ARID4B: variants seen among roughly 807,000 people sequenced by gnomAD.
ARID4B encodes the protein AT-rich interactive domain-containing protein 4B.
ARID4B carries 26 observed loss-of-function variants against 147.5 expected under a neutral mutation model. The ratio of observed to expected loss-of-function variants is 0.18; its 90% confidence interval spans 0.13 to 0.24. ARID4B has a LOEUF of 0.24. Among genes scored for constraint, ARID4B ranks in the 10% least tolerant of loss-of-function variants. ARID4B has a pLI of 1.00. For missense variants in ARID4B, 1,179 were observed against 1,511.5 expected (o/e 0.78, Z 3.65); for synonymous variants, 512 against 507.9 (o/e 1.01, Z -0.11).
chr1:235,204,489 T>G (rs964695090), intron 17 of ARID4B, among the ~76,000 whole-genome samples: 9 of 152,150 alleles, frequency 5.9e-5, no homozygotes, highest in Non-Finnish European at 1.3e-4. Context: ...TAGTCATATT[T>G]AAGAGTTGAC....
chr1:235,207,199 TGAG>T lies in ARID4B; in HGVS notation c.1841+6567_1841+6569del, dbSNP rs370363780. On this transcript the variant is annotated intron_variant, in intron 17 of 23. Coordinates refer to ENST00000264183, the MANE Select transcript of ARID4B (RefSeq NM_016374.6). ...ACAAAGCAAGGTCACCAGCTGAAAATGAGGATAGGGAAGAGATGTTGGGGATGT... is the reference window on the plus strand; with the variant it reads ...ACAAAGCAAGGTCACCAGCTGAAAATGATAGGGAAGAGATGTTGGGGATGT... Among the ~76,000 whole-genome samples the T allele has an allele frequency of 2.6e-5, 4 of 152,206 alleles. No individual in the cohort carries two copies. In the East Asian group the frequency reaches 7.7e-4, roughly 29 times the overall value.
intron 2 of ARID4B, among the ~76,000 whole-genome samples, chr1:235,279,474 A>T (rs965127512): frequency 5.3e-5 from 8 of 152,226 alleles, no homozygotes; most frequent in Admixed American, 4.6e-4. Flanking sequence ...AAGGCAGACC[A>T]ATTTAAAATA....
chr1:235,181,981 G>A lies in ARID4B; in HGVS notation c.2938C>T (p.Pro980Ser), dbSNP rs1160458060. The A allele has an allele frequency of 1.2e-6, 2 of 1,614,024 alleles. No individual in the cohort carries two copies. Among genetic ancestry groups the A allele is most frequent in the Admixed American group, 1.7e-5 (1 of 60,002 alleles). Residue 980 changes from proline (P) to serine (S), a missense_variant, in exon 20 of 24, where the codon CCC (proline) becomes TCC (serine). Physicochemically the swap from Pro to Ser is moderately conservative, Grantham distance 74. This residue lies in a region of ARID4B where 357 missense variants were observed against 427.3 expected (regional missense o/e 0.84). Transcript: ENST00000264183. The part of the protein sequence containing the change: ...QTVAEEESCS[P>S]SVELEKPPPV... ...GGTGGTTTTTCTAGTTCTACACTGGGTGAACAACTCTCCTCTTCAGCCACA... is the reference window on the plus strand; with the variant it reads ...GGTGGTTTTTCTAGTTCTACACTGGATGAACAACTCTCCTCTTCAGCCACA...
At chr1:235,315,558 G>C (rs1372636692) in intron 2 of ARID4B, among the ~76,000 whole-genome samples, 1 of 152,164 alleles carries the variant, frequency 6.6e-6, no homozygotes, top group Non-Finnish European at 1.5e-5. Flanking sequence ...TAACTTAAAA[G>C]TGATATACCC....
At chr1:235,184,771 G>T (rs146394278) in intron 19 of ARID4B, among the ~76,000 whole-genome samples, 210 of 152,222 alleles carry the variant, frequency 1.4e-3, no homozygotes, top group African/African-American at 4.6e-3. Context: ...GTTAACATCT[G>T]ATAGTTATAG....
chr1:235,178,880 A>T (rs1315450914), intron 20 of ARID4B, among the ~76,000 whole-genome samples: 1 of 152,038 alleles, frequency 6.6e-6, no homozygotes, highest in Non-Finnish European at 1.5e-5. Flanking sequence ...ATATAATCTT[A>T]CTTACAACTT....
intron 2 of ARID4B, among the ~76,000 whole-genome samples, chr1:235,308,800 G>A (rs1470689952): frequency 6.6e-6 from 1 of 152,306 alleles, no homozygotes; most frequent in Non-Finnish European, 1.5e-5. Context: ...AGGCTGGAGT[G>A]CAGTGGCGTG....
intron 8 of ARID4B, among the ~76,000 whole-genome samples, chr1:235,238,153 A>AAAAAAAAGAAAAGAAAAG (rs61179792): frequency 7.1e-6 from 1 of 141,764 alleles, no homozygotes; most frequent in Non-Finnish European, 1.5e-5. Context: ...CAAAAAAAAA[A>AAAAAAAAGAAAAGAAAAG]AAAAGAAAAG....
intron 14 of ARID4B, among the ~76,000 whole-genome samples, chr1:235,221,269 T>C (rs1208268926): frequency 6.6e-6 from 1 of 152,196 alleles, no homozygotes; most frequent in East Asian, 1.9e-4. Context: ...GCATAAACAG[T>C]TAATAATTGG....
intron 5 of ARID4B, among the ~76,000 whole-genome samples, chr1:235,255,224 T>C (rs868541549): frequency 9.9e-6 from 1 of 100,982 alleles, no homozygotes; most frequent in East Asian, 2.3e-4. Context: ...GGGAGCTAGA[T>C]AGATAGATAG....
intron 1 of ARID4B, 35 bp from the exon 2 acceptor site, chr1:235,327,003 A>C: frequency 7.0e-7 from 1 of 1,428,560 alleles, no homozygotes; most frequent in Non-Finnish European, 9.9e-7. Flanking sequence ...AGTCAACACC[A>C]CAGGAGCCCC....
At chr1:235,236,017 C>T (rs12034913) in intron 8 of ARID4B, among the ~76,000 whole-genome samples, 44,429 of 151,156 alleles carry the variant, frequency 0.29, 7,640 homozygotes, top group South Asian at 0.53. Context: ...CCTCAACCTC[C>T]CAGGGTTCAA....
Position 235,175,268 on chromosome 1 carries a change from A to C in ARID4B, c.3580T>G (p.Cys1194Gly). 6 of 1,613,928 alleles carry C rather than the reference A, an allele frequency of 3.7e-6. No homozygotes were observed. Among genetic ancestry groups the C allele is most frequent in the Non-Finnish European group, 5.1e-6 (6 of 1,179,996 alleles). Reference protein sequence around the residue: ...SPARTQSPGKCGKNGDKDPDL... With the variant: ...SPARTQSPGKGGKNGDKDPDL... ...GGATCCTTATCACCATTCTTTCCACATTTTCCTGGAGACTGCGTCCTTGCG... is the reference window on the plus strand; with the variant it reads ...GGATCCTTATCACCATTCTTTCCACCTTTTCCTGGAGACTGCGTCCTTGCG... The change falls in exon 22 of 24, where the codon TGT (cysteine) becomes GGT (glycine). Residue 1194 changes from cysteine to glycine, a missense_variant. Cys to Gly is a radical substitution (Grantham distance 159). Coordinates refer to ENST00000264183, the MANE Select transcript of ARID4B (RefSeq NM_016374.6).
chr1:235,218,836 C>T (rs1033084103), intron 16 of ARID4B, among the ~76,000 whole-genome samples: 3 of 150,812 alleles, frequency 2.0e-5, no homozygotes, highest in African/African-American at 7.3e-5. Context: ...CGTCTGCATA[C>T]TGTGGCCAAA....
intron 6 of ARID4B, among the ~76,000 whole-genome samples, chr1:235,251,665 GTAATAAA>G (rs1669654577): frequency 7.3e-6 from 1 of 137,826 alleles, no homozygotes; most frequent in Non-Finnish European, 1.6e-5. Flanking sequence ...TAATATTAAA[GTAATAAA>G]TAATAACAAA....
At chr1:235,178,191 T>C (rs1235402975) in intron 20 of ARID4B, among the ~76,000 whole-genome samples, 1 of 152,118 alleles carries the variant, frequency 6.6e-6, no homozygotes, top group Non-Finnish European at 1.5e-5. Flanking sequence ...GTCCTTAATA[T>C]AGTACTGGGA....
intron 22 of ARID4B, 30 bp downstream of exon 22, chr1:235,175,154 G>C (rs751864741): frequency 6.4e-7 from 1 of 1,565,658 alleles, no homozygotes. Context: ...GATGAAGTTT[G>C]TATGCTTGTC....
At chr1:235,283,002 G>A (rs867042581) in intron 2 of ARID4B, among the ~76,000 whole-genome samples, 1 of 152,052 alleles carries the variant, frequency 6.6e-6, no homozygotes, top group Admixed American at 6.6e-5. Context: ...GGATGGTCTC[G>A]ACTCCTATTG....
intron 2 of ARID4B, among the ~76,000 whole-genome samples, chr1:235,309,720 G>C (rs1484821267): frequency 2.0e-5 from 3 of 151,958 alleles, no homozygotes; most frequent in Non-Finnish European, 4.4e-5. Flanking sequence ...TGGCGGTTTT[G>C]TGGAATAGAA....
Sources: gnomAD v4.1 joint callset for allele counts (sites outside exome capture counted in the v4.1 genomes callset) on GRCh38, gnomAD v4.1.1 for gene constraint, gnomAD v4.1.1 regional missense constraint, MANE v1.5 for transcripts, NCBI Gene and HGNC (gene_info 2026-07-23, HGNC 2026-07-21) for gene names.